MAP7D3: variants seen among roughly 807,000 people sequenced by gnomAD.
MAP7D3 encodes the protein MAP7 domain-containing protein 3.
Under a neutral mutation model 62.2 loss-of-function variants are expected in MAP7D3, and 45 were observed. The observed-to-expected ratio is 0.72, with a 90% CI of 0.57 to 0.93. The LOEUF (loss-of-function observed/expected upper bound fraction) is 0.93, where lower values mean the gene tolerates loss of function less well. Among genes scored for constraint, MAP7D3 ranks in the 40% least tolerant of loss-of-function variants. The pLI is 0.00. For synonymous variants in MAP7D3, 288 were observed against 248.8 expected (o/e 1.16, Z -1.48); for missense variants, 711 against 683.1 (o/e 1.04, Z -0.45).
chrX:136,253,275 A>G (rs776411499), upstream of MAP7D3, among the ~76,000 whole-genome samples: 2 of 112,051 alleles, frequency 1.8e-5, no homozygotes, highest in Non-Finnish European at 3.8e-5. Flanking sequence ...CACATACACA[A>G]ACACAAGTTC....
intron 7 of MAP7D3, among the ~76,000 whole-genome samples, chrX:136,234,660 C>G (rs1298325847): frequency 8.9e-6 from 1 of 111,835 alleles, no homozygotes; most frequent in African/African-American, 3.2e-5. Flanking sequence ...GCAACAAATT[C>G]AGTGATGAAG....
At chrX:136,254,170 C>T (rs113787969), upstream of MAP7D3, among the ~76,000 whole-genome samples, 55 of 107,704 alleles carry the variant, frequency 5.1e-4, no homozygotes, top group African/African-American at 1.6e-3. Context: ...CTGCAACCTC[C>T]GCCTCCTGGG....
intron 6 of MAP7D3, among the ~76,000 whole-genome samples, chrX:136,237,855 C>T (rs2074347095): frequency 9.1e-6 from 1 of 109,835 alleles, no homozygotes; most frequent in South Asian, 4.0e-4. Context: ...AGGTATATCT[C>T]CTAATGCCAT....
At chrX:136,251,475 G>C (rs2074512611), upstream of MAP7D3, 9 of 825,654 alleles carry the variant, frequency 1.1e-5, no homozygotes, top group Non-Finnish European at 1.3e-5. Context: ...GGGCGGGGCG[G>C]GGCGGGGCCC....
chrX:136,233,653 A>AG (rs1345063054), intron 7 of MAP7D3, among the ~76,000 whole-genome samples: 1 of 106,978 alleles, frequency 9.3e-6, no homozygotes, highest in African/African-American at 3.4e-5. Context: ...AAAAAAAAAA[A>AG]AAAAAAAAAA....
At chrX:136,232,983 A>G (rs910193584) in intron 7 of MAP7D3, among the ~76,000 whole-genome samples, 2 of 111,767 alleles carry the variant, frequency 1.8e-5, no homozygotes, top group African/African-American at 6.5e-5. Context: ...AAAAAAAATT[A>G]CATAAATATA....
At chrX:136,248,819 C>G (rs1481943439) in intron 1 of MAP7D3, among the ~76,000 whole-genome samples, 1 of 111,920 alleles carries the variant, frequency 8.9e-6, no homozygotes, top group African/African-American at 3.2e-5. Flanking sequence ...AAAACTGAAG[C>G]TAAACATAAC....
In MAP7D3 at chrX:136,222,504, A is replaced by C; in HGVS notation, c.2194-18T>G. 9.0e-7 allele frequency: 1 copy of C among 1,106,101 alleles called. No homozygotes were observed. The highest frequency in any genetic ancestry group is 1.3e-6 in the Non-Finnish European group (1 of 800,001). 91.2% of individuals were successfully genotyped at this position (1,106,101 alleles called of 1,213,427 possible). A position where few individuals can be genotyped will look rare whatever the true frequency, so the allele number is the denominator to read the frequency against. ...TCTGTGACCTACGATTAAAAAAGGA[A>C]ATCTTGATTATGCCTAATATTCAAT... On this transcript the variant is annotated intron_variant, in intron 14 of 18. Transcript: ENST00000316077.
At chrX:136,214,750 A>T (rs2074050800), downstream of MAP7D3, 1 of 112,313 alleles carries the variant, frequency 8.9e-6, no homozygotes, top group South Asian at 3.7e-4. Flanking sequence ...CAGTGTCCAC[A>T]ATGACACAGG....
downstream of MAP7D3, among the ~76,000 whole-genome samples, chrX:136,215,870 G>A (rs2074057968): frequency 9.0e-6 from 1 of 111,519 alleles, no homozygotes; most frequent in Non-Finnish European, 1.9e-5. Context: ...CTCATCCAAG[G>A]TGAGCACTGA....
At chrX:136,241,493 C>T (rs1383002359) in intron 4 of MAP7D3, among the ~76,000 whole-genome samples, 1 of 111,801 alleles carries the variant, frequency 8.9e-6, no homozygotes, top group East Asian at 2.8e-4. Flanking sequence ...AATGACCATG[C>T]TTTCCTCTTT....
chrX:136,220,487 C>G (rs2074113826), intron 16 of MAP7D3, among the ~76,000 whole-genome samples: 1 of 112,214 alleles, frequency 8.9e-6, no homozygotes, highest in Non-Finnish European at 1.9e-5. Flanking sequence ...CCAGATGTAT[C>G]TGGAATTGAA....
At position 136,232,046 on chromosome X, in the gene MAP7D3, T is replaced by A; in HGVS notation, c.911A>T (p.Asp304Val). The A allele has an allele frequency of 8.3e-7, 1 of 1,211,264 alleles. No individual in the cohort carries two copies. The highest frequency in any genetic ancestry group is 1.1e-6 in the Non-Finnish European group (1 of 895,064). Residue 304 changes from aspartate (D) to valine (V), a missense_variant, in exon 8 of 19, where the codon GAT becomes GTT. Asp to Val is a radical substitution (Grantham distance 152). Coordinates refer to ENST00000316077, the MANE Select transcript of MAP7D3 (RefSeq NM_024597.4). The stretch of plus-strand genomic sequence containing the variant: ...TTCCACATTCACCTGGGGGGGTGCA[T>A]CCACACTTGCCTTGGGAGGTGTCTC... ...KVETPPKASV[D>V]APPQVNVEVF...
intron 7 of MAP7D3, among the ~76,000 whole-genome samples, chrX:136,234,787 G>C (rs1407793063): frequency 9.0e-6 from 1 of 111,614 alleles, no homozygotes. Context: ...GGCTAATGAC[G>C]CTTTTGTTGG....
At position 136,219,712 on chromosome X, in the gene MAP7D3, A is replaced by G. The variant is rs185265654; in HGVS notation, c.2487-41T>C. 1.4e-4 allele frequency: 140 copies of G among 1,016,448 alleles called. 1 individual carries two copies. The East Asian group carries it at 4.2e-3, about 30-fold the overall frequency. The allele number at this position is 1,016,448 out of a possible 1,213,427, so 83.8% of individuals were successfully genotyped here. A position where few individuals can be genotyped will look rare whatever the true frequency, so the allele number is the denominator to read the frequency against. Reference sequence around the variant, plus strand: ...TTGGTTAGAATCCCAATTATTCCCAAACCAAGGCTCTGGCCTAAAAGAAGC... The same window carrying G: ...TTGGTTAGAATCCCAATTATTCCCAGACCAAGGCTCTGGCCTAAAAGAAGC... On this transcript the variant is annotated intron_variant, in intron 16 of 18. Coordinates refer to ENST00000316077, the MANE Select transcript of MAP7D3 (RefSeq NM_024597.4).
In MAP7D3 at chrX:136,240,496, G is replaced by A. The variant is rs1449918061; in HGVS notation, c.536-10C>T. 15 of 1,032,526 alleles carry A rather than the reference G, an allele frequency of 1.5e-5. No homozygotes were observed. The highest frequency in any genetic ancestry group is 2.0e-5 in the Non-Finnish European group (15 of 737,263). 85.1% of individuals were successfully genotyped at this position (1,032,526 alleles called of 1,213,427 possible). On this transcript the variant is annotated splice_polypyrimidine_tract_variant and intron_variant, in intron 5 of 18. Coordinates refer to ENST00000316077, the MANE Select transcript of MAP7D3 (RefSeq NM_024597.4). ...GCAGATCGTTTATTGGCTGAGAAAA[G>A]ACATAATACTTACTGTAATCATATT...
chrX:136,221,009 A>ATGAATATGGAGT (rs1261783835), intron 15 of MAP7D3, 46 bp from the exon 16 acceptor site: 1 of 988,146 alleles, frequency 1.0e-6, no homozygotes, highest in East Asian at 3.0e-5. Flanking sequence ...TCAATAAAGA[A>ATGAATATGGAGT]TTCAAGAAAA....
At chrX:136,247,858 C>T (rs970310145) in intron 1 of MAP7D3, among the ~76,000 whole-genome samples, 1 of 112,012 alleles carries the variant, frequency 8.9e-6, no homozygotes, top group African/African-American at 3.2e-5. Context: ...ACATTCAGTT[C>T]TCCTGCTTAG....
upstream of MAP7D3, chrX:136,256,223 C>T: frequency 8.7e-7 from 1 of 1,148,040 alleles, no homozygotes; most frequent in South Asian, 2.0e-5. Context: ...TCCTTCTGGA[C>T]TCATCTCTTG....
Sources: allele counts gnomAD v4.1 joint callset (sites outside exome capture counted in the v4.1 genomes callset), GRCh38; gene constraint gnomAD v4.1.1; transcripts MANE v1.5; gene names NCBI Gene and HGNC (gene_info 2026-07-23, HGNC 2026-07-21).